The following ZCCHC7 variants were observed in gnomAD, a reference collection of about 807,000 sequenced individuals.
ZCCHC7 encodes zinc finger CCHC domain-containing protein 7.
ZCCHC7 carries 35 observed loss-of-function variants against 52.0 expected under a neutral mutation model. That is an observed-to-expected ratio of 0.67 (90% CI 0.51 to 0.89). The LOEUF is 0.89. Ranked by LOEUF, ZCCHC7 falls within the 40% of genes least tolerant of loss-of-function variation. The pLI is 0.00. For synonymous variants in ZCCHC7, 217 were observed against 221.5 expected, an observed-to-expected ratio of 0.98 and a Z score of 0.18; for missense variants, 574 against 649.1, an observed-to-expected ratio of 0.88 and a Z score of 1.26.
At chr9:37,166,353 C>T (rs748692010) in intron 2 of ZCCHC7, among the ~76,000 whole-genome samples, 9 of 151,924 alleles carry the variant, frequency 5.9e-5, no homozygotes, top group Non-Finnish European at 4.4e-5. Flanking sequence ...GCCGAGATCG[C>T]GCCACTGCAC....
In ZCCHC7 at chr9:37,314,029, C is replaced by T. The variant is rs535972154; in HGVS notation, c.951+8315C>T. ...GTCATTTCTAAGTAACCTGAAAATT[C>T]CTCCAATCTTTTCAACTCTCCGTAT... On this transcript the variant is annotated intron_variant, in intron 5 of 8. Transcript: ENST00000336755. Among the ~76,000 whole-genome samples, 4 of 152,268 alleles carry T rather than the reference C, an allele frequency of 2.6e-5. No individual in the cohort carries two copies. The East Asian group carries it at 7.7e-4, about 29-fold the overall frequency.
intron 2 of ZCCHC7, among the ~76,000 whole-genome samples, chr9:37,159,899 A>G (rs147422559): frequency 0.012 from 1,876 of 152,346 alleles, 17 homozygotes; most frequent in Middle Eastern, 0.017. Flanking sequence ...CCTGTTTATA[A>G]CATAGACTAG....
intron 2 of ZCCHC7, among the ~76,000 whole-genome samples, chr9:37,189,003 C>A (rs1252072293): frequency 1.3e-5 from 1 of 77,676 alleles, no homozygotes; most frequent in Non-Finnish European, 2.4e-5. Flanking sequence ...TCATTTTTTT[C>A]CCATCTCTCA....
chr9:37,281,080 T>C (rs999106696), intron 2 of ZCCHC7, among the ~76,000 whole-genome samples: 4 of 152,168 alleles, frequency 2.6e-5, no homozygotes, highest in Admixed American at 6.5e-5. Flanking sequence ...AGTTAATATC[T>C]ACTAGAGCTA....
At chr9:37,277,432 A>G (rs1827733522) in intron 2 of ZCCHC7, among the ~76,000 whole-genome samples, 1 of 152,174 alleles carries the variant, frequency 6.6e-6, no homozygotes, top group South Asian at 2.1e-4. Context: ...GCTTGAGGCC[A>G]GGAGTTCAAG....
intron 2 of ZCCHC7, among the ~76,000 whole-genome samples, chr9:37,228,874 C>T (rs1339212346): frequency 1.4e-5 from 2 of 142,294 alleles, no homozygotes; most frequent in African/African-American, 2.6e-5. Context: ...CTCACTCTGT[C>T]GCCTGGGCTA....
At chr9:37,236,951 C>T (rs1825681654) in intron 2 of ZCCHC7, among the ~76,000 whole-genome samples, 1 of 152,162 alleles carries the variant, frequency 6.6e-6, no homozygotes, top group African/African-American at 2.4e-5. Flanking sequence ...TCAATTTGAA[C>T]TTCTTCAAGA....
At chr9:37,137,595 G>T (rs534298168) in intron 2 of ZCCHC7, among the ~76,000 whole-genome samples, 4 of 152,054 alleles carry the variant, frequency 2.6e-5, no homozygotes, top group Non-Finnish European at 5.9e-5. Flanking sequence ...TGTTTTTTGC[G>T]TACATACCTC....
chr9:37,214,006 G>A (rs1824375516), intron 2 of ZCCHC7, among the ~76,000 whole-genome samples: 1 of 151,740 alleles, frequency 6.6e-6, no homozygotes, highest in African/African-American at 2.4e-5. Context: ...GTGTGTATGT[G>A]TGTGTGTGTG....
At chr9:37,327,581 G>A (rs570572913) in intron 5 of ZCCHC7, 1 of 452,786 alleles carries the variant, frequency 2.2e-6, no homozygotes, top group East Asian at 3.2e-5. Flanking sequence ...AGAAAACTTT[G>A]TTACTGGCTT....
chr9:37,173,219 T>C (rs374122879), intron 2 of ZCCHC7, among the ~76,000 whole-genome samples: 3 of 152,238 alleles, frequency 2.0e-5, no homozygotes, highest in Non-Finnish European at 2.9e-5. Context: ...GTGACAGATA[T>C]TCTTTTGGTT....
rs141962451 is a variant in ZCCHC7, at chr9:37,334,830, C to A, written c.987+6996C>A. Among the ~76,000 whole-genome samples the A allele has an allele frequency of 7.2e-5, 11 of 152,082 alleles. No individual in the cohort carries two copies. The East Asian group carries it at 2.1e-3, about 29-fold the overall frequency. On this transcript the variant is annotated intron_variant, in intron 6 of 8. Transcript: ENST00000336755. ...CATTTAACAAAAAAAAGTTTAATAT[C>A]TTTGGGATTAAATTAGAACTTCACC...
intron 2 of ZCCHC7, among the ~76,000 whole-genome samples, chr9:37,298,139 A>T (rs1378030785): frequency 6.6e-6 from 1 of 152,228 alleles, no homozygotes; most frequent in African/African-American, 2.4e-5. Context: ...GTTTAAAGCA[A>T]TTTATAGCCC....
chr9:37,335,001 C>A (rs560307126), intron 6 of ZCCHC7, among the ~76,000 whole-genome samples: 12 of 151,960 alleles, frequency 7.9e-5, no homozygotes, highest in African/African-American at 2.9e-4. Context: ...ATTTTCATTC[C>A]ATTTTTCAAT....
chr9:37,345,375 C>G (rs1473116122), intron 6 of ZCCHC7, among the ~76,000 whole-genome samples: 1 of 152,180 alleles, frequency 6.6e-6, no homozygotes. Flanking sequence ...AGTGTTCTAT[C>G]TGAAGAAATT....
chr9:37,135,848 A>G (rs1182150024), intron 2 of ZCCHC7, among the ~76,000 whole-genome samples: 3 of 152,210 alleles, frequency 2.0e-5, no homozygotes, highest in African/African-American at 7.2e-5. Context: ...AAAACTATAC[A>G]CACAGAAGTT....
chr9:37,172,226 A>C (rs1436285865), intron 2 of ZCCHC7, among the ~76,000 whole-genome samples: 2 of 152,240 alleles, frequency 1.3e-5, no homozygotes, highest in African/African-American at 2.4e-5. Context: ...TTTGCTGGGC[A>C]GGTTCAACAG....
At chr9:37,163,143 G>A (rs1344059519) in intron 2 of ZCCHC7, among the ~76,000 whole-genome samples, 1 of 152,094 alleles carries the variant, frequency 6.6e-6, no homozygotes, top group Non-Finnish European at 1.5e-5. Context: ...GGAGGTTGCT[G>A]TGAGCCGAGA....
chr9:37,357,210 G>A lies in ZCCHC7; in HGVS notation c.1574G>A (p.Trp525Ter). ...AAGCAGAAGAAAAAGGAGAGGTGCTGGGAAGATGATGACAATGATAACTTA... is the reference window on the plus strand; with the variant it reads ...AAGCAGAAGAAAAAGGAGAGGTGCTAGGAAGATGATGACAATGATAACTTA... ...RGKQKKKERC[W>*]EDDDNDNLFL... Residue 525 changes from tryptophan (W) to a stop codon, truncating the protein, a stop_gained, in exon 9 of 9, where the codon TGG (tryptophan) becomes TAG (stop). Transcript: ENST00000336755. LOFTEE classifies it high-confidence loss of function. 4 of 1,611,514 alleles carry A rather than the reference G, an allele frequency of 2.5e-6. No homozygotes were observed. The highest frequency in any genetic ancestry group is 3.4e-6 in the Non-Finnish European group (4 of 1,179,382).
Sources: allele counts gnomAD v4.1 joint callset (sites outside exome capture counted in the v4.1 genomes callset), GRCh38; gene constraint gnomAD v4.1.1; transcripts MANE v1.5; gene names NCBI Gene and HGNC (gene_info 2026-07-23, HGNC 2026-07-21).